RAP1B: variants seen among roughly 807,000 people sequenced by gnomAD.
RAP1B encodes the protein RAP1B, member of RAS oncogene family, also known as ras-related protein Rap-1b.
RAP1B carries 1 observed loss-of-function variant against 27.5 expected under a neutral mutation model. The ratio of observed to expected loss-of-function variants is 0.04; its 90% CI spans 0.01 to 0.17. The LOEUF (loss-of-function observed/expected upper bound fraction) is 0.17. RAP1B is among the 10% of genes least tolerant of loss of function. The pLI is 1.00. For synonymous variants in RAP1B, 75 were observed against 73.1 expected, an observed-to-expected ratio of 1.03 and a Z score of -0.13; for missense variants, 84 against 214.8, an observed-to-expected ratio of 0.39 and a Z score of 3.81.
At chr12:68,626,855 G>C in intron 1 of RAP1B, 8 of 1,568,002 alleles carry the variant, frequency 5.1e-6, no homozygotes, top group Non-Finnish European at 6.9e-6. Context: ...AGAGGGGGCA[G>C]CACAGTGGAA....
chr12:68,618,739 G>C (rs957136668), intron 1 of RAP1B, among the ~76,000 whole-genome samples: 8 of 150,146 alleles, frequency 5.3e-5, no homozygotes, highest in Non-Finnish European at 2.9e-5. Flanking sequence ...CATGCACTCA[G>C]ATTTTTTTTT....
chr12:68,612,740 C>G (rs1206787430), intron 1 of RAP1B, among the ~76,000 whole-genome samples: 1 of 152,222 alleles, frequency 6.6e-6, no homozygotes, highest in Non-Finnish European at 1.5e-5. Context: ...ACTTTAAGCA[C>G]ACAGAGCCTG....
At chr12:68,648,904 ATAT>A in intron 2 of RAP1B, 123 bp downstream of exon 2, 1 of 878,846 alleles carries the variant, frequency 1.1e-6, no homozygotes, top group South Asian at 2.0e-5. Context: ...AAGCAATATA[ATAT>A]TTTTCTTGTA....
Position 68,667,536 on chromosome 12 carries a change from T to G in RAP1B, c.*8287T>G, listed in dbSNP as rs1874907333. On this transcript the variant is annotated 3_prime_UTR_variant, in exon 8 of 8. Coordinates refer to ENST00000250559, the MANE Select transcript of RAP1B (RefSeq NM_001010942.3). The stretch of plus-strand genomic sequence containing the variant: ...CAGCGTTAGGGTTGGGTTTCTTGTC[T>G]CTGTAATCACTTCTCAAAAATGAAT... 5 of 152,248 alleles carry G rather than the reference T, an allele frequency of 3.3e-5. No homozygotes were observed. Among genetic ancestry groups the G allele is most frequent in the Admixed American group, 3.3e-4 (5 of 15,282 alleles). 9.4% of individuals were successfully genotyped at this position (152,248 alleles called of 1,614,324 possible).
intron 1 of RAP1B, among the ~76,000 whole-genome samples, chr12:68,641,916 G>A (rs758291662): frequency 2.0e-5 from 3 of 152,128 alleles, no homozygotes; most frequent in Non-Finnish European, 2.9e-5. Context: ...TGGAGAGGCA[G>A]TGTGAATCAT....
At chr12:68,657,760 A>G (rs1874313945) in intron 7 of RAP1B, 2 of 145,290 alleles carry the variant, frequency 1.4e-5, no homozygotes, top group Non-Finnish European at 2.8e-5. Flanking sequence ...ACACACACAC[A>G]CACACACACA....
At chr12:68,615,584 CAAAA>C (rs570915847) in intron 1 of RAP1B, among the ~76,000 whole-genome samples, 2 of 132,434 alleles carry the variant, frequency 1.5e-5, no homozygotes, top group African/African-American at 5.6e-5. Context: ...GTGAGACTGT[CAAAA>C]AAAAAAAAAT....
Position 68,667,262 on chromosome 12 carries a change from A to T in RAP1B, c.*8013A>T, listed in dbSNP as rs561390877. On this transcript the variant is annotated 3_prime_UTR_variant, in exon 8 of 8. Coordinates refer to ENST00000250559, the MANE Select transcript of RAP1B (RefSeq NM_001010942.3). Reference sequence around the variant, plus strand: ...TTTCTGAGACCAAATGGTGGTGTTTATAAGATTTTGCTTCTGCACTGAATT... The same window carrying T: ...TTTCTGAGACCAAATGGTGGTGTTTTTAAGATTTTGCTTCTGCACTGAATT... 6.6e-6 allele frequency: 1 copy of T among 152,340 alleles called. No homozygotes were observed. The allele number at this position is 152,340 out of a possible 1,614,324, so 9.4% of individuals were successfully genotyped here.
chr12:68,641,714 T>G (rs144566214), intron 1 of RAP1B, among the ~76,000 whole-genome samples: 238 of 151,542 alleles, frequency 1.6e-3, no homozygotes, highest in Admixed American at 3.7e-3. Context: ...ACCCAAAAAA[T>G]ATATTCAAAG....
chr12:68,643,564 G>T (rs1873177164), intron 1 of RAP1B, among the ~76,000 whole-genome samples: 1 of 152,098 alleles, frequency 6.6e-6, no homozygotes, highest in Admixed American at 6.5e-5. Flanking sequence ...TTAAAGAATA[G>T]AATTAAACTT....
intron 4 of RAP1B, among the ~76,000 whole-genome samples, chr12:68,652,918 T>C (rs1020944383): frequency 6.6e-6 from 1 of 151,994 alleles, no homozygotes; most frequent in African/African-American, 2.4e-5. Flanking sequence ...GTGTGAAATA[T>C]TTTGATTGAG....
chr12:68,639,068 C>T (rs889532400), intron 1 of RAP1B, among the ~76,000 whole-genome samples: 1 of 152,132 alleles, frequency 6.6e-6, no homozygotes, highest in African/African-American at 2.4e-5. Flanking sequence ...GGGATCTAGT[C>T]GAGAAGTCAA....
intron 1 of RAP1B, chr12:68,627,008 CTTT>C (rs1263099758): frequency 1.1e-5 from 17 of 1,570,138 alleles, no homozygotes; most frequent in Admixed American, 3.3e-5. Context: ...AGCCCCACTT[CTTT>C]GAGATGTGGA....
chr12:68,619,657 C>T (rs927131594), intron 1 of RAP1B, among the ~76,000 whole-genome samples: 1 of 152,152 alleles, frequency 6.6e-6, no homozygotes, highest in Non-Finnish European at 1.5e-5. Flanking sequence ...TTTTGTATTA[C>T]TTATTTTTCC....
At chr12:68,651,945 A>T in intron 3 of RAP1B, 50 bp from the exon 4 acceptor site, 1 of 1,417,970 alleles carries the variant, frequency 7.1e-7, no homozygotes, top group Non-Finnish European at 9.9e-7. Context: ...ATATTAAGGT[A>T]GTTTTATGTA....
rs1002706564 is a variant in RAP1B at position 68,660,486 on chromosome 12, A to G, written c.*1237A>G. ...TGTATAACTTAGCATCAGTAGTTCA[A>G]TAAATTTGGATTGCCATGCAAGGGC... On this transcript the variant is annotated 3_prime_UTR_variant, in exon 8 of 8. Coordinates refer to ENST00000250559, the MANE Select transcript of RAP1B (RefSeq NM_001010942.3). 8.5e-5 allele frequency: 13 copies of G among 152,644 alleles called. No individual in the cohort carries two copies. The highest frequency in any genetic ancestry group is 1.4e-4 in the African/African-American group (6 of 41,456). 9.5% of individuals were successfully genotyped at this position (152,644 alleles called of 1,614,324 possible). A position where few individuals can be genotyped will look rare whatever the true frequency, so the allele number is the denominator to read the frequency against.
intron 3 of RAP1B, 115 bp downstream of exon 3, chr12:68,650,583 T>C: frequency 1.0e-6 from 1 of 996,428 alleles, no homozygotes; most frequent in Non-Finnish European, 1.3e-6. Context: ...ATTTATAAAA[T>C]TAGTGGGAAA....
chr12:68,648,674 C>CTT (rs79936976), intron 1 of RAP1B, 25 bp from the exon 2 acceptor site: 176 of 1,221,732 alleles, frequency 1.4e-4, no homozygotes, highest in Admixed American at 3.2e-4. Flanking sequence ...ACTTAGAATT[C>CTT]TTTTTTTTTT....
At chr12:68,635,337 TA>T (rs1488209754) in intron 1 of RAP1B, among the ~76,000 whole-genome samples, 1 of 152,246 alleles carries the variant, frequency 6.6e-6, no homozygotes, top group African/African-American at 2.4e-5. Context: ...AGGACACAGT[TA>T]CCCTCTTTAG....
Sources: allele counts gnomAD v4.1 joint callset (sites outside exome capture counted in the v4.1 genomes callset), GRCh38; gene constraint gnomAD v4.1.1; transcripts MANE v1.5; gene names NCBI Gene and HGNC (gene_info 2026-07-23, HGNC 2026-07-21).